Variants in KCNU1 observed in about 807,000 individuals in gnomAD.
KCNU1 encodes the protein potassium channel subfamily U member 1.
KCNU1 carries 93 observed loss-of-function variants against 126.8 expected under a neutral mutation model. That is an observed-to-expected ratio of 0.73 (90% CI 0.62 to 0.87). The LOEUF (loss-of-function observed/expected upper bound fraction) is 0.87, where lower values mean the gene tolerates loss of function less well. Ranked by LOEUF, KCNU1 falls within the 40% of genes least tolerant of loss-of-function variation. KCNU1 has a pLI of 0.00. For missense variants in KCNU1, 1,330 were observed against 1,367.1 expected, an observed-to-expected ratio of 0.97 and a Z score of 0.43; for synonymous variants, 523 against 494.2, an observed-to-expected ratio of 1.06 and a Z score of -0.77.
chr8:36,800,436 T>C (rs1247975935), intron 2 of KCNU1, among the ~76,000 whole-genome samples: 1 of 152,196 alleles, frequency 6.6e-6, no homozygotes, highest in African/African-American at 2.4e-5. Flanking sequence ...AGGCTCTGTC[T>C]GGATGAGGTC....
In KCNU1 at chr8:36,906,515, C is replaced by A. The variant is rs564115493; in HGVS notation, c.2106+711C>A. Among the ~76,000 whole-genome samples, 389 of 152,260 alleles carry A rather than the reference C, an allele frequency of 2.6e-3. 2 individuals carry two copies. The highest frequency in any genetic ancestry group is 9.1e-3 in the African/African-American group (378 of 41,550). On this transcript the variant is annotated intron_variant, in intron 20 of 26. Transcript: ENST00000399881. ...CTGGAGTTGGAAACTCAAGTATAAT[C>A]TTAGTGGTTTACCTTACAAGTAGTA...
At chr8:36,819,869 C>A (rs2130485781) in intron 10 of KCNU1, among the ~76,000 whole-genome samples, 1 of 152,286 alleles carries the variant, frequency 6.6e-6, no homozygotes, top group Non-Finnish European at 1.5e-5. Context: ...TCTCTTTCTT[C>A]TCCCTTTGAA....
chr8:36,878,713 T>C (rs1806358901), intron 19 of KCNU1, among the ~76,000 whole-genome samples: 1 of 151,414 alleles, frequency 6.6e-6, no homozygotes, highest in Non-Finnish European at 1.5e-5. Context: ...ACAATAGTCA[T>C]AGTAAATAAA....
chr8:36,854,126 C>G (rs1805447198), intron 18 of KCNU1, among the ~76,000 whole-genome samples: 1 of 152,168 alleles, frequency 6.6e-6, no homozygotes, highest in Non-Finnish European at 1.5e-5. Context: ...TGAGTCACTT[C>G]TGTCTTGCTG....
At position 36,838,736 on chromosome 8, in the gene KCNU1, T is replaced by G. The variant is rs377195967; in HGVS notation, c.1519-1727T>G. On this transcript the variant is annotated intron_variant, in intron 14 of 26. Transcript: ENST00000399881. ...ATGAAATAAAAATAAGATCTAGAGT[T>G]GTAACCTCCCCACTGAGGATGATCA... Among the ~76,000 whole-genome samples, 55 of 152,160 alleles carry G rather than the reference T, an allele frequency of 3.6e-4. No individual in the cohort carries two copies. The East Asian group carries it at 4.1e-3, about 11-fold the overall frequency.
intron 7 of KCNU1, among the ~76,000 whole-genome samples, chr8:36,813,508 TTA>T (rs912449474): frequency 9.9e-4 from 148 of 149,038 alleles, no homozygotes; most frequent in African/African-American, 3.5e-3. Flanking sequence ...ATATAATATA[TTA>T]TGTTACACAA....
At chr8:36,845,387 A>C (rs959133492) in intron 16 of KCNU1, among the ~76,000 whole-genome samples, 193 bp from the exon 17 acceptor site, 1 of 152,144 alleles carries the variant, frequency 6.6e-6, no homozygotes, top group Non-Finnish European at 1.5e-5. Context: ...TCCCCTCTGC[A>C]TAGTCAGCCC....
At chr8:36,816,731 C>T (rs1051175299) in intron 9 of KCNU1, among the ~76,000 whole-genome samples, 2 of 152,166 alleles carry the variant, frequency 1.3e-5, no homozygotes, top group Non-Finnish European at 1.5e-5. Flanking sequence ...ATGCGTTAAA[C>T]GTAAGAAAAT....
chr8:36,810,820 A>T (rs1018430930), intron 7 of KCNU1, among the ~76,000 whole-genome samples: 2 of 152,232 alleles, frequency 1.3e-5, no homozygotes, highest in Non-Finnish European at 2.9e-5. Flanking sequence ...AACAATTAAG[A>T]TAATTTGCCC....
chr8:36,855,370 T>A (rs970686126), intron 18 of KCNU1, among the ~76,000 whole-genome samples: 4 of 152,146 alleles, frequency 2.6e-5, no homozygotes, highest in Admixed American at 2.6e-4. Context: ...TAGCACTAGA[T>A]ACATGCAAAT....
chr8:36,894,511 TG>T (rs1807103933), intron 19 of KCNU1, among the ~76,000 whole-genome samples: 3 of 152,238 alleles, frequency 2.0e-5, no homozygotes, highest in Admixed American at 2.0e-4. Context: ...AAATCACTGC[TG>T]GAAGAATTGA....
chr8:36,927,290 G>A (rs1808565197), intron 24 of KCNU1, among the ~76,000 whole-genome samples: 1 of 152,106 alleles, frequency 6.6e-6, no homozygotes, highest in Non-Finnish European at 1.5e-5. Context: ...ATGGCTTCAA[G>A]TGTTCCTGGT....
At chr8:36,878,110 C>T (rs1045559736) in intron 19 of KCNU1, among the ~76,000 whole-genome samples, 5 of 152,116 alleles carry the variant, frequency 3.3e-5, no homozygotes, top group African/African-American at 1.2e-4. Context: ...AAAGAATGAT[C>T]TCTTTTCAAA....
intron 18 of KCNU1, among the ~76,000 whole-genome samples, chr8:36,851,373 T>TTCCCTC (rs1805338397): frequency 7.1e-6 from 1 of 140,276 alleles, no homozygotes; most frequent in African/African-American, 2.7e-5. Context: ...GGCACTTCCC[T>TTCCCTC]TCTCTCTCTC....
chr8:36,909,471 C>T lies in KCNU1; in HGVS notation c.2267C>T (p.Ser756Phe). 6.2e-7 allele frequency: 1 copy of T among 1,613,452 alleles called. No homozygotes were observed. The highest frequency in any genetic ancestry group is 8.5e-7 in the Non-Finnish European group (1 of 1,179,444). ...CTGAAGGACATAGTGTTCATTGGGT[C>T]TCTGGACTATCTACAGAGAGAATGG... ...KELKDIVFIGSLDYLQREWRF... is the reference protein window; with the variant it reads ...KELKDIVFIGFLDYLQREWRF... Residue 756 changes from serine (S) to phenylalanine (F), a missense_variant, in exon 21 of 27, where the codon TCT becomes TTT. By Grantham distance (155) the Ser-to-Phe change is radical. Around this residue, in one of 3 missense-constraint regions of KCNU1, gnomAD observed 1,054 missense variants for 1,053.9 expected, o/e 1.00. Transcript: ENST00000399881.
rs1803453468 is a variant in KCNU1, at chr8:36,805,214, T to C, written c.397T>C (p.Ser133Pro). ...TTCCAGCCCTGTTGGAAGCTGTTCATCATATGAAGACAAAACCATTCCTAT... is the reference window on the plus strand; with the variant it reads ...TTCCAGCCCTGTTGGAAGCTGTTCACCATATGAAGACAAAACCATTCCTAT... ...NSADPVGSCSSYEDKTIPIDL... is the reference protein window; with the variant it reads ...NSADPVGSCSPYEDKTIPIDL... The change falls in exon 4 of 27, where the codon TCA (serine) becomes CCA (proline). Residue 133 changes from serine to proline, a missense_variant. Coordinates refer to ENST00000399881, the MANE Select transcript of KCNU1 (RefSeq NM_001031836.3). 1 of 1,610,378 alleles carries C rather than the reference T, an allele frequency of 6.2e-7. No homozygotes were observed. Among genetic ancestry groups the C allele is most frequent in the Non-Finnish European group, 8.5e-7 (1 of 1,177,776 alleles).
intron 10 of KCNU1, among the ~76,000 whole-genome samples, chr8:36,819,193 A>G (rs1190401122): frequency 5.9e-5 from 9 of 152,060 alleles, no homozygotes; most frequent in East Asian, 1.9e-4. Context: ...TCTCTTAGAC[A>G]TTCTCTGTGG....
intron 19 of KCNU1, among the ~76,000 whole-genome samples, chr8:36,894,420 T>G (rs1046900918): frequency 6.6e-6 from 1 of 152,148 alleles, no homozygotes; most frequent in African/African-American, 2.4e-5. Flanking sequence ...GGTGAATCAA[T>G]TAAATTGTGT....
intron 20 of KCNU1, 40 bp from the exon 21 acceptor site, chr8:36,909,271 G>A (rs1807763581): frequency 7.7e-7 from 1 of 1,301,758 alleles, no homozygotes; most frequent in Middle Eastern, 1.8e-4. Context: ...TTCTCATCTT[G>A]CTTATGAAAA....
Sources: allele counts gnomAD v4.1 joint callset (sites outside exome capture counted in the v4.1 genomes callset), GRCh38; gene constraint gnomAD v4.1.1; regional missense constraint gnomAD v4.1.1; transcripts MANE v1.5; gene names NCBI Gene and HGNC (gene_info 2026-07-23, HGNC 2026-07-21).